LARP4: variants seen among roughly 807,000 people sequenced by gnomAD.
LARP4 encodes the protein la-related protein 4.
A neutral mutation model predicts 92.9 loss-of-function variants in LARP4; 29 were observed. That is an observed-to-expected ratio of 0.31 (90% CI 0.23 to 0.43). The LOEUF is 0.43. Ranked by LOEUF, LARP4 falls within the 20% of genes least tolerant of loss-of-function variation. The pLI, the probability that LARP4 is intolerant of heterozygous loss-of-function variation, is 1.00. For synonymous variants in LARP4, 279 were observed against 284.1 expected (o/e 0.98, Z 0.18); for missense variants, 732 against 860.0 (o/e 0.85, Z 1.86).
chr12:50,417,128 T>C (rs368765938), intron 1 of LARP4, among the ~76,000 whole-genome samples: 5 of 151,614 alleles, frequency 3.3e-5, no homozygotes, highest in East Asian at 3.9e-4. Context: ...TTGATACTTA[T>C]GCCAGGTATG....
chr12:50,450,508 A>G (rs767562356), intron 8 of LARP4, among the ~76,000 whole-genome samples: 6 of 152,128 alleles, frequency 3.9e-5, no homozygotes, highest in Non-Finnish European at 8.8e-5. Flanking sequence ...ATTTAAATTC[A>G]GGCTGTATGG....
At chr12:50,413,778 T>G (rs1230556973) in intron 1 of LARP4, among the ~76,000 whole-genome samples, 3 of 152,190 alleles carry the variant, frequency 2.0e-5, no homozygotes, top group Admixed American at 1.3e-4. Flanking sequence ...CCTTGTAGTA[T>G]CACCTTGCGT....
At chr12:50,420,783 G>C (rs1947614396) in intron 1 of LARP4, 1 of 152,064 alleles carries the variant, frequency 6.6e-6, no homozygotes, top group South Asian at 2.1e-4. Context: ...ATATCCTTTG[G>C]GTAGGCGGTA....
At chr12:50,441,526 A>T in intron 7 of LARP4, 64 bp from the exon 8 acceptor site, 3 of 1,204,594 alleles carry the variant, frequency 2.5e-6, no homozygotes, top group Non-Finnish European at 3.6e-6. Flanking sequence ...TCTCAACATA[A>T]TAAAGATAAC....
At chr12:50,462,505 A>T (rs971749017) in intron 11 of LARP4, 77 bp from the exon 12 acceptor site, 18 of 823,296 alleles carry the variant, frequency 2.2e-5, no homozygotes, top group Admixed American at 7.3e-5. Context: ...TACGGCTTTG[A>T]TAGAATGTAT....
chr12:50,404,681 G>GTTT (rs1162590362), intron 1 of LARP4, among the ~76,000 whole-genome samples: 18 of 67,366 alleles, frequency 2.7e-4, no homozygotes, highest in African/African-American at 5.0e-4. Flanking sequence ...GGTTCAAGCA[G>GTTT]TTTTTTTTTT....
intron 4 of LARP4, among the ~76,000 whole-genome samples, chr12:50,433,703 G>A (rs1189937280): frequency 6.7e-6 from 1 of 150,108 alleles, no homozygotes; most frequent in Non-Finnish European, 1.5e-5. Context: ...GCAGTGGCAC[G>A]ATCTCGGCTC....
At chr12:50,438,284 G>A (rs1190064683) in intron 6 of LARP4, among the ~76,000 whole-genome samples, 1 of 152,060 alleles carries the variant, frequency 6.6e-6, no homozygotes, top group South Asian at 2.1e-4. Context: ...GGATCGTGAG[G>A]TCAGGAGATG....
chr12:50,436,489 C>T (rs1950486281), intron 5 of LARP4, among the ~76,000 whole-genome samples: 1 of 152,070 alleles, frequency 6.6e-6, no homozygotes. Context: ...GTACATTTTT[C>T]GTGACAGTTC....
At chr12:50,434,948 T>G (rs1281824784) in intron 4 of LARP4, among the ~76,000 whole-genome samples, 2 of 152,134 alleles carry the variant, frequency 1.3e-5, no homozygotes, top group African/African-American at 4.8e-5. Flanking sequence ...CTCGGGAGGC[T>G]GAGGCAGGAG....
chr12:50,431,437 C>G (rs1411363877), intron 4 of LARP4, among the ~76,000 whole-genome samples: 2 of 152,122 alleles, frequency 1.3e-5, no homozygotes, highest in Non-Finnish European at 2.9e-5. Flanking sequence ...TAATGTTAAT[C>G]ATAGAGTCAT....
chr12:50,469,886 G>T (rs1404151289), intron 13 of LARP4, among the ~76,000 whole-genome samples: 2 of 151,874 alleles, frequency 1.3e-5, no homozygotes, highest in Non-Finnish European at 2.9e-5. Flanking sequence ...TCCAGCCTGG[G>T]CGACAAGAGC....
At chr12:50,444,723 C>G (rs1951739678) in intron 8 of LARP4, among the ~76,000 whole-genome samples, 1 of 152,082 alleles carries the variant, frequency 6.6e-6, no homozygotes. Flanking sequence ...TAATGTTTAT[C>G]CACTCATTTC....
intron 12 of LARP4, 62 bp downstream of exon 12, chr12:50,462,692 C>T (rs1225646830): frequency 9.4e-7 from 1 of 1,068,566 alleles, no homozygotes; most frequent in Non-Finnish European, 1.4e-6. Flanking sequence ...ATGGCATTGA[C>T]TTTCGGTCTT....
intron 1 of LARP4, chr12:50,402,629 C>T (rs1298981899): frequency 3.7e-6 from 1 of 270,806 alleles, no homozygotes; most frequent in East Asian, 1.2e-4. Flanking sequence ...ATTGTTTAAA[C>T]TAGGTCTTCT....
At chr12:50,412,999 G>A (rs1946167954) in intron 1 of LARP4, among the ~76,000 whole-genome samples, 3 of 151,988 alleles carry the variant, frequency 2.0e-5, no homozygotes, top group South Asian at 2.1e-4. Flanking sequence ...TGAGGCGGGC[G>A]GATCACGAGG....
chr12:50,435,048 A>AG (rs1461580615), intron 4 of LARP4, among the ~76,000 whole-genome samples: 4 of 152,216 alleles, frequency 2.6e-5, no homozygotes, highest in Non-Finnish European at 4.4e-5. Flanking sequence ...ACTCTGTCTC[A>AG]GGAAAAAAAG....
chr12:50,427,909 G>A lies in LARP4; in HGVS notation c.166G>A (p.Gly56Ser), dbSNP rs200311098. The change falls in exon 2 of 16, where the codon GGT becomes AGT. Residue 56 changes from glycine (G) to serine (S), a missense_variant and splice_region_variant. Around this residue, in one of 7 missense-constraint regions of LARP4, gnomAD observed 236 missense variants for 307.6 expected, o/e 0.77. Transcript: ENST00000398473. ...IAATSGAHPE[G>S]NAELSEDICK... ...AGCTACATCAGGTGCTCATCCTGAGGGTAAGTCTTAAATATTTGGTCATAA... is the reference window on the plus strand; with the variant it reads ...AGCTACATCAGGTGCTCATCCTGAGAGTAAGTCTTAAATATTTGGTCATAA... The A allele has an allele frequency of 6.3e-6, 10 of 1,582,994 alleles. No individual in the cohort carries two copies. The African/African-American group carries it at 8.1e-5, about 13-fold the overall frequency.
chr12:50,454,578 G>A (rs1456781112), intron 10 of LARP4, 161 bp downstream of exon 10: 7 of 468,752 alleles, frequency 1.5e-5, no homozygotes, highest in African/African-American at 4.0e-5. Context: ...TCTAGAATTC[G>A]TAAAAACACT....
Sources: allele counts gnomAD v4.1 joint callset (sites outside exome capture counted in the v4.1 genomes callset), GRCh38; gene constraint gnomAD v4.1.1; regional missense constraint gnomAD v4.1.1; transcripts MANE v1.5; gene names NCBI Gene and HGNC (gene_info 2026-07-23, HGNC 2026-07-21).